Variants in SPIRE1 observed in about 807,000 individuals in gnomAD.
SPIRE1 encodes protein spire homolog 1.
A neutral mutation model predicts 94.1 loss-of-function variants in SPIRE1; 40 were observed. That is an observed-to-expected ratio of 0.43 (90% CI 0.33 to 0.55). The LOEUF (loss-of-function observed/expected upper bound fraction) is 0.55. Among genes scored for constraint, SPIRE1 ranks in the 20% least tolerant of loss-of-function variants. The pLI, the probability that SPIRE1 is intolerant of heterozygous loss-of-function variation, is 0.06. For synonymous variants in SPIRE1, 376 were observed against 371.7 expected, an observed-to-expected ratio of 1.01 and a Z score of -0.13; for missense variants, 838 against 975.2, an observed-to-expected ratio of 0.86 and a Z score of 1.87.
chr18:12,505,041 C>A (rs927081296), intron 6 of SPIRE1, among the ~76,000 whole-genome samples: 1 of 152,094 alleles, frequency 6.6e-6, no homozygotes, highest in Non-Finnish European at 1.5e-5. Flanking sequence ...TGGGCTGTGC[C>A]GGCCACGGTA....
At chr18:12,637,366 A>T (rs1014893565) in intron 1 of SPIRE1, among the ~76,000 whole-genome samples, 2 of 152,008 alleles carry the variant, frequency 1.3e-5, no homozygotes, top group Non-Finnish European at 2.9e-5. Flanking sequence ...CTCAAAAAAA[A>T]AAAAAAAAAA....
At chr18:12,497,024 C>T (rs936899910) in intron 6 of SPIRE1, among the ~76,000 whole-genome samples, 5 of 152,080 alleles carry the variant, frequency 3.3e-5, no homozygotes, top group African/African-American at 4.8e-5. Flanking sequence ...GCCGAGATCA[C>T]GCTACTGCAC....
At chr18:12,545,059 T>G (rs1386043185) in intron 3 of SPIRE1, among the ~76,000 whole-genome samples, 1 of 152,216 alleles carries the variant, frequency 6.6e-6, no homozygotes. Context: ...GTAAAATGTT[T>G]TACTCTTCAT....
At chr18:12,617,644 C>T (rs887185293) in intron 2 of SPIRE1, among the ~76,000 whole-genome samples, 1 of 152,110 alleles carries the variant, frequency 6.6e-6, no homozygotes, top group African/African-American at 2.4e-5. Flanking sequence ...CTCCTGACCT[C>T]AGGTGATCCA....
At chr18:12,548,907 G>A (rs944977637) in intron 2 of SPIRE1, among the ~76,000 whole-genome samples, 2 of 152,090 alleles carry the variant, frequency 1.3e-5, no homozygotes, top group Non-Finnish European at 2.9e-5. Flanking sequence ...GAGCCACCAC[G>A]CACTATTTTC....
At chr18:12,452,685 G>C (rs1300309417) in intron 14 of SPIRE1, 173 bp from the exon 15 acceptor site, 2 of 691,070 alleles carry the variant, frequency 2.9e-6, no homozygotes, top group Non-Finnish European at 2.5e-6. Flanking sequence ...ATAATCTACA[G>C]AACTTAACTC....
chr18:12,570,391 A>G (rs975189041), intron 2 of SPIRE1, among the ~76,000 whole-genome samples: 1 of 152,214 alleles, frequency 6.6e-6, no homozygotes, highest in Non-Finnish European at 1.5e-5. Context: ...CTACCCTTTC[A>G]GTTGTTATCT....
intron 12 of SPIRE1, 151 bp from the exon 13 acceptor site, chr18:12,454,634 G>A: frequency 1.5e-6 from 1 of 661,810 alleles, no homozygotes; most frequent in Non-Finnish European, 2.7e-6. Flanking sequence ...TCCCTCTGGG[G>A]ACCACATCAT....
intron 12 of SPIRE1, among the ~76,000 whole-genome samples, chr18:12,461,439 TATAC>T (rs1409078733): frequency 3.8e-5 from 2 of 52,106 alleles, no homozygotes; most frequent in African/African-American, 1.5e-4. Context: ...TATGTATGTA[TATAC>T]ATACATGTGT....
intron 2 of SPIRE1, among the ~76,000 whole-genome samples, chr18:12,557,606 G>C (rs985564864): frequency 1.3e-5 from 2 of 152,194 alleles, no homozygotes; most frequent in Non-Finnish European, 2.9e-5. Flanking sequence ...TGCAGTGGCA[G>C]GCTGAAGGGC....
At chr18:12,642,401 C>T (rs970887560) in intron 1 of SPIRE1, among the ~76,000 whole-genome samples, 9 of 152,094 alleles carry the variant, frequency 5.9e-5, no homozygotes, top group Non-Finnish European at 1.5e-5. Flanking sequence ...AACTAAATCC[C>T]TTACCTTTCA....
chr18:12,638,071 G>A (rs1374100019), intron 1 of SPIRE1, among the ~76,000 whole-genome samples: 1 of 152,070 alleles, frequency 6.6e-6, no homozygotes, highest in South Asian at 2.1e-4. Context: ...GCTAATCTAG[G>A]AATCCAAAAA....
intron 1 of SPIRE1, among the ~76,000 whole-genome samples, chr18:12,647,050 A>AG (rs1198210642): frequency 2.6e-5 from 4 of 152,042 alleles, no homozygotes; most frequent in Admixed American, 2.6e-4. Context: ...GACTCAAAAA[A>AG]AAAAAAAAAA....
chr18:12,495,608 G>A (rs1049836669), intron 7 of SPIRE1, among the ~76,000 whole-genome samples: 1 of 152,122 alleles, frequency 6.6e-6, no homozygotes, highest in South Asian at 2.1e-4. Flanking sequence ...AATTTACAAG[G>A]CCAGCTGTAG....
intron 1 of SPIRE1, among the ~76,000 whole-genome samples, chr18:12,636,918 G>GTACT (rs1277631195): frequency 1.3e-5 from 2 of 152,182 alleles, no homozygotes; most frequent in African/African-American, 4.8e-5. Context: ...ACTCGGCAAA[G>GTACT]TACTACTGGA....
chr18:12,479,503 C>T (rs1054094429), intron 10 of SPIRE1, among the ~76,000 whole-genome samples, 196 bp downstream of exon 10: 9 of 152,116 alleles, frequency 5.9e-5, no homozygotes, highest in African/African-American at 2.2e-4. Context: ...ATTATAGCCA[C>T]TATATTGGTC....
chr18:12,564,708 G>T (rs189261501), intron 2 of SPIRE1, among the ~76,000 whole-genome samples: 1 of 152,038 alleles, frequency 6.6e-6, no homozygotes, highest in Non-Finnish European at 1.5e-5. Context: ...GCGCCAGGGT[G>T]GGAAAAATTG....
intron 2 of SPIRE1, among the ~76,000 whole-genome samples, chr18:12,592,811 A>T (rs2036570210): frequency 6.6e-6 from 1 of 152,248 alleles, no homozygotes; most frequent in Admixed American, 6.5e-5. Flanking sequence ...TAGTGACAAT[A>T]TAGAGAGCTG....
chr18:12,464,984 C>T (rs377115392), intron 10 of SPIRE1, 26 bp from the exon 11 acceptor site: 40 of 1,605,026 alleles, frequency 2.5e-5, no homozygotes, highest in African/African-American at 1.3e-4. Context: ...GTGGAGAAAT[C>T]GACTTCTTAG....
Sources: gnomAD v4.1 joint callset for allele counts (sites outside exome capture counted in the v4.1 genomes callset) on GRCh38, gnomAD v4.1.1 for gene constraint, MANE v1.5 for transcripts, NCBI Gene and HGNC (gene_info 2026-07-23, HGNC 2026-07-21) for gene names.